The following CDH18 variants were observed in gnomAD, a reference collection of about 807,000 sequenced individuals.
CDH18 encodes the protein cadherin 18.
A neutral mutation model predicts 67.9 loss-of-function variants in CDH18; 31 were observed. The observed-to-expected ratio is 0.46, with a 90% CI of 0.34 to 0.62. The LOEUF (loss-of-function observed/expected upper bound fraction) is 0.62. Ranked by LOEUF, CDH18 falls within the 20% of genes least tolerant of loss-of-function variation. CDH18 has a pLI of 0.01. For synonymous variants in CDH18, 362 were observed against 347.2 expected, an observed-to-expected ratio of 1.04 and a Z score of -0.48; for missense variants, 890 against 975.5, an observed-to-expected ratio of 0.91 and a Z score of 1.17.
intron 5 of CDH18, among the ~76,000 whole-genome samples, chr5:19,687,555 C>T (rs1233638153): frequency 6.6e-6 from 1 of 152,174 alleles, no homozygotes; most frequent in Non-Finnish European, 1.5e-5. Context: ...AGCACATGCT[C>T]CCCAGAGCCT....
chr5:19,801,568 T>C (rs1197953885), intron 3 of CDH18, among the ~76,000 whole-genome samples: 4 of 152,336 alleles, frequency 2.6e-5, no homozygotes, highest in Non-Finnish European at 4.4e-5. Flanking sequence ...TTTTAAAATC[T>C]CTTGATGTGA....
At chr5:20,365,451 C>T (rs1294458373) in intron 1 of CDH18, among the ~76,000 whole-genome samples, 1 of 152,124 alleles carries the variant, frequency 6.6e-6, no homozygotes, top group Non-Finnish European at 1.5e-5. Flanking sequence ...TTGCACAAGC[C>T]TCCATTACTG....
At position 19,678,706 on chromosome 5, in the gene CDH18, A is replaced by G. The variant is rs1323760954; in HGVS notation, c.643+42641T>C. ...CACAACCTGTAAAACCTAGAAAAAAAATGATAAATTCCTGGAAACCTACAA... is the reference window on the plus strand; with the variant it reads ...CACAACCTGTAAAACCTAGAAAAAAGATGATAAATTCCTGGAAACCTACAA... On this transcript the variant is annotated intron_variant, in intron 5 of 12. Transcript: ENST00000382275. Among the ~76,000 whole-genome samples the G allele has an allele frequency of 3.3e-5, 5 of 151,946 alleles. No homozygotes were observed. In the Admixed American group the frequency reaches 3.3e-4, roughly 10 times the overall value.
rs1271813387 is a variant in CDH18 at position 19,486,326 on chromosome 5, T to A, written c.1631-2774A>T. On this transcript the variant is annotated intron_variant, in intron 11 of 12. Coordinates refer to ENST00000382275, the MANE Select transcript of CDH18 (RefSeq NM_004934.5). Reference sequence around the variant, plus strand: ...TATGTATTATATAGAAATATATATATACACACATACATATATACACATACA... The same window carrying A: ...TATGTATTATATAGAAATATATATAAACACACATACATATATACACATACA... Among the ~76,000 whole-genome samples the A allele has an allele frequency of 2.6e-5, 4 of 150,974 alleles. No homozygotes were observed. The Admixed American group carries it at 2.7e-4, about 10-fold the overall frequency.
intron 2 of CDH18, among the ~76,000 whole-genome samples, chr5:19,966,204 A>C (rs1432779358): frequency 6.6e-6 from 1 of 152,150 alleles, no homozygotes. Flanking sequence ...AAAACATACT[A>C]TATGCTTATT....
intron 2 of CDH18, among the ~76,000 whole-genome samples, chr5:19,839,648 A>G (rs1212850978): frequency 6.6e-6 from 1 of 152,208 alleles, no homozygotes; most frequent in African/African-American, 2.4e-5. Flanking sequence ...ATAAAAGATC[A>G]AAGAAAAAGG....
At chr5:19,933,897 T>C (rs998252979) in intron 2 of CDH18, among the ~76,000 whole-genome samples, 10 of 151,408 alleles carry the variant, frequency 6.6e-5, no homozygotes, top group Admixed American at 4.0e-4. Flanking sequence ...AACAAACATA[T>C]AGTATTGACT....
At chr5:20,484,996 G>A (rs555055629) in intron 1 of CDH18, among the ~76,000 whole-genome samples, 7 of 152,086 alleles carry the variant, frequency 4.6e-5, no homozygotes, top group Non-Finnish European at 1.0e-4. Context: ...GATAAAAAAA[G>A]TGAATACTAA....
At position 19,917,764 on chromosome 5, in the gene CDH18, G is replaced by A. The variant is rs74929040; in HGVS notation, c.-257+63296C>T. Among the ~76,000 whole-genome samples, 1,374 of 152,238 alleles carry A rather than the reference G, an allele frequency of 9.0e-3. 26 individuals are homozygous for A. The highest frequency in any genetic ancestry group is 0.031 in the African/African-American group (1,272 of 41,546). ...TATTGTCACACTTCCTCAGTAACTC[G>A]AAGAGTGTTTTGAAAGTTGATACTC... On this transcript the variant is annotated intron_variant, in intron 2 of 12. Transcript: ENST00000382275.
chr5:20,287,205 T>C (rs770962475), intron 1 of CDH18, among the ~76,000 whole-genome samples: 2 of 151,740 alleles, frequency 1.3e-5, no homozygotes, highest in Non-Finnish European at 3.0e-5. Flanking sequence ...TCACTAACCA[T>C]TACTATGAAA....
intron 8 of CDH18, among the ~76,000 whole-genome samples, chr5:19,551,158 T>C (rs541039110): frequency 6.6e-6 from 1 of 152,256 alleles, no homozygotes; most frequent in East Asian, 1.9e-4. Context: ...CTTTTAAAGA[T>C]AAATGAAGAA....
chr5:19,540,114 G>GTAAA (rs1482628636), intron 9 of CDH18, among the ~76,000 whole-genome samples: 2 of 152,080 alleles, frequency 1.3e-5, no homozygotes, highest in African/African-American at 2.4e-5. Context: ...TAGGAATTAA[G>GTAAA]TAAATATAGC....
intron 1 of CDH18, among the ~76,000 whole-genome samples, chr5:20,376,381 C>A (rs1029437889): frequency 1.3e-5 from 2 of 151,336 alleles, no homozygotes; most frequent in African/African-American, 4.8e-5. Flanking sequence ...AGCCACCGCT[C>A]CCGGCCAAAA....
intron 2 of CDH18, among the ~76,000 whole-genome samples, chr5:19,891,543 A>C (rs984092130): frequency 6.6e-6 from 1 of 152,194 alleles, no homozygotes; most frequent in African/African-American, 2.4e-5. Flanking sequence ...AATACAACTT[A>C]TAACAGCCCC....
intron 3 of CDH18, among the ~76,000 whole-genome samples, chr5:19,811,298 A>G (rs1349441855): frequency 6.6e-6 from 1 of 152,134 alleles, no homozygotes. Context: ...ATTAAGAGAT[A>G]GGGTCTTTAC....
intron 2 of CDH18, among the ~76,000 whole-genome samples, chr5:20,196,326 T>C (rs1030145806): frequency 6.6e-6 from 1 of 152,146 alleles, no homozygotes; most frequent in Admixed American, 6.6e-5. Flanking sequence ...CAAATAACTA[T>C]TAAATAGCAA....
intron 2 of CDH18, among the ~76,000 whole-genome samples, chr5:20,082,711 T>C (rs1479556626): frequency 6.6e-6 from 1 of 152,218 alleles, no homozygotes; most frequent in Non-Finnish European, 1.5e-5. Context: ...ACATTATTGT[T>C]GGACCTAAAC....
intron 2 of CDH18, among the ~76,000 whole-genome samples, chr5:20,077,005 C>T (rs545006162): frequency 1.4e-3 from 215 of 152,170 alleles, no homozygotes; most frequent in African/African-American, 4.8e-3. Flanking sequence ...ACAACAAATT[C>T]CAGTTGGTTG....
intron 2 of CDH18, among the ~76,000 whole-genome samples, chr5:20,078,807 G>GAAT (rs1744191448): frequency 6.6e-6 from 1 of 152,016 alleles, no homozygotes; most frequent in Non-Finnish European, 1.5e-5. Context: ...GCAGAGACAG[G>GAAT]GTCTCGCCAC....
Sources: allele counts gnomAD v4.1 joint callset (sites outside exome capture counted in the v4.1 genomes callset), GRCh38; gene constraint gnomAD v4.1.1; transcripts MANE v1.5; gene names NCBI Gene and HGNC (gene_info 2026-07-23, HGNC 2026-07-21).